Variants in PPP1R12B observed in about 807,000 individuals in gnomAD.
The protein encoded by PPP1R12B is myosin phosphatase target subunit 2.
PPP1R12B carries 76 observed loss-of-function variants against 126.1 expected under a neutral mutation model. The observed-to-expected ratio is 0.60, with a 90% CI of 0.50 to 0.73. The LOEUF (loss-of-function observed/expected upper bound fraction) is 0.73, where lower values mean the gene tolerates loss of function less well. Among genes scored for constraint, PPP1R12B ranks in the 30% least tolerant of loss-of-function variants. The pLI is 0.00. For missense variants in PPP1R12B, 1,052 were observed against 1,205.1 expected, an observed-to-expected ratio of 0.87 and a Z score of 1.88; for synonymous variants, 356 against 434.7, an observed-to-expected ratio of 0.82 and a Z score of 2.25.
chr1:202,572,843 C>T (rs546862308), intron 23 of PPP1R12B, among the ~76,000 whole-genome samples: 5 of 152,188 alleles, frequency 3.3e-5, no homozygotes, highest in South Asian at 2.1e-4. Flanking sequence ...GCCCATCCTG[C>T]GCTGGGCCCT....
At chr1:202,526,443 A>G (rs1282846988) in intron 18 of PPP1R12B, among the ~76,000 whole-genome samples, 4 of 152,190 alleles carry the variant, frequency 2.6e-5, no homozygotes, top group African/African-American at 4.8e-5. Context: ...ATTGAGACCA[A>G]TGAGCATGGT....
intron 18 of PPP1R12B, among the ~76,000 whole-genome samples, chr1:202,549,017 C>T (rs1686019864): frequency 6.6e-6 from 1 of 151,910 alleles, no homozygotes; most frequent in Non-Finnish European, 1.5e-5. Context: ...TTTAAAATAC[C>T]TGTTCTGCTC....
At chr1:202,363,941 A>G (rs767349687) in intron 1 of PPP1R12B, among the ~76,000 whole-genome samples, 3 of 152,080 alleles carry the variant, frequency 2.0e-5, no homozygotes, top group Non-Finnish European at 2.9e-5. Context: ...TTGTATTTTT[A>G]GTAGAGACGG....
chr1:202,562,512 G>T (rs536176784), intron 19 of PPP1R12B: 8 of 530,866 alleles, frequency 1.5e-5, no homozygotes, highest in Non-Finnish European at 2.5e-5. Flanking sequence ...TAAGATTTAA[G>T]TCAGCTCATA....
At chr1:202,533,121 AGCC>A (rs1684144898) in intron 18 of PPP1R12B, among the ~76,000 whole-genome samples, 1 of 152,094 alleles carries the variant, frequency 6.6e-6, no homozygotes, top group Non-Finnish European at 1.5e-5. Flanking sequence ...TGCCCGCCTC[AGCC>A]TCCCAAAGTG....
chr1:202,488,500 C>A (rs1678438201), intron 13 of PPP1R12B, 33 bp from the exon 14 acceptor site: 5 of 1,469,804 alleles, frequency 3.4e-6, no homozygotes, highest in Non-Finnish European at 4.7e-6. Context: ...CAGCAAAGAT[C>A]TTGCTTTTGC....
At chr1:202,422,882 A>G (rs1668990768) in intron 3 of PPP1R12B, 144 bp downstream of exon 3, 1 of 1,166,296 alleles carries the variant, frequency 8.6e-7, no homozygotes, top group Non-Finnish European at 1.2e-6. Flanking sequence ...TCATTAATCC[A>G]GCATCATGTA....
At chr1:202,574,963 T>A in intron 23 of PPP1R12B, 1 of 1,539,336 alleles carries the variant, frequency 6.5e-7, no homozygotes. Context: ...TCTCTCTCTG[T>A]CTTTTCTGTC....
At chr1:202,579,694 C>T (rs967677) in intron 23 of PPP1R12B, among the ~76,000 whole-genome samples, 76,908 of 152,030 alleles carry the variant, frequency 0.51, 22,021 homozygotes, top group East Asian at 0.69. Flanking sequence ...TCCACTCCCT[C>T]CCCTGCCCAA....
chr1:202,518,400 A>G (rs573644083), intron 18 of PPP1R12B, among the ~76,000 whole-genome samples: 1 of 152,330 alleles, frequency 6.6e-6, no homozygotes, highest in South Asian at 2.1e-4. Context: ...ACTATGAATC[A>G]TAGTTTGCTT....
At chr1:202,496,192 G>T (rs1679535580) in intron 17 of PPP1R12B, among the ~76,000 whole-genome samples, 1 of 152,158 alleles carries the variant, frequency 6.6e-6, no homozygotes, top group Non-Finnish European at 1.5e-5. Flanking sequence ...TAAAATAGAT[G>T]AACTTTGGCT....
intron 18 of PPP1R12B, among the ~76,000 whole-genome samples, chr1:202,507,081 G>C (rs944550930): frequency 1.3e-5 from 2 of 152,152 alleles, no homozygotes; most frequent in African/African-American, 4.8e-5. Context: ...TTATGTTTAA[G>C]CTCATTTTTG....
intron 23 of PPP1R12B, chr1:202,575,133 C>T: frequency 6.2e-7 from 1 of 1,613,230 alleles, no homozygotes; most frequent in South Asian, 1.1e-5. Context: ...CCCAGGAGCT[C>T]TAGTTCTTGC....
At chr1:202,388,467 A>G (rs1186780805) in intron 1 of PPP1R12B, among the ~76,000 whole-genome samples, 2 of 152,200 alleles carry the variant, frequency 1.3e-5, no homozygotes, top group African/African-American at 2.4e-5. Context: ...TGGCCTCCCA[A>G]AGTGCTGGGA....
rs200041515 is a variant in PPP1R12B at position 202,562,821 on chromosome 1, G to A, written c.2551G>A (p.Gly851Ser). Residue 851 changes from glycine (G) to serine (S), a missense_variant, in exon 20 of 24, where the codon GGT (glycine) becomes AGT (serine). Coordinates refer to ENST00000608999, the MANE Select transcript of PPP1R12B (RefSeq NM_002481.4). ...TAATCCTACAACCAGTGATTCTTAC[G>A]GTGACCGGGCTTCAGCAAGAGCCCG... ...GSNPTTSDSY[G>S]DRASARARRE... 4.8e-5 allele frequency: 78 copies of A among 1,613,108 alleles called. No individual in the cohort carries two copies. Among genetic ancestry groups the A allele is most frequent in the Non-Finnish European group, 6.4e-5 (75 of 1,179,558 alleles).
chr1:202,444,097 C>G (rs948043062), intron 12 of PPP1R12B, among the ~76,000 whole-genome samples: 1 of 152,138 alleles, frequency 6.6e-6, no homozygotes, highest in African/African-American at 2.4e-5. Flanking sequence ...CATATGCCAT[C>G]ACCATTTAAA....
chr1:202,500,101 T>A (rs781396848), intron 18 of PPP1R12B, among the ~76,000 whole-genome samples: 5 of 152,182 alleles, frequency 3.3e-5, no homozygotes, highest in Admixed American at 6.5e-5. Context: ...ACCATATGAT[T>A]CAGCAGTCCC....
chr1:202,348,974 G>A lies in PPP1R12B; in HGVS notation c.123G>A (p.Ala41=), dbSNP rs1655412185. ...TEQEPAERRG[A]GRQPLTRRGS... ...AGGAGCCTGCGGAGCGACGAGGCGC[G>A]GGGCGGCAGCCGCTGACCAGGCGCG... Residue 41 remains alanine, a synonymous_variant, in exon 1 of 24, where the codon GCG becomes GCA. Transcript: ENST00000608999. 1 of 1,602,722 alleles carries A rather than the reference G, an allele frequency of 6.2e-7. No individual in the cohort carries two copies. Among genetic ancestry groups the A allele is most frequent in the Non-Finnish European group, 8.5e-7 (1 of 1,175,774 alleles).
chr1:202,429,313 C>T (rs1028952844), intron 6 of PPP1R12B, among the ~76,000 whole-genome samples: 1 of 152,114 alleles, frequency 6.6e-6, no homozygotes, highest in African/African-American at 2.4e-5. Context: ...AAAAGACTAT[C>T]TTTATTTAAG....
Sources: allele counts gnomAD v4.1 joint callset (sites outside exome capture counted in the v4.1 genomes callset), GRCh38; gene constraint gnomAD v4.1.1; transcripts MANE v1.5; gene names NCBI Gene and HGNC (gene_info 2026-07-23, HGNC 2026-07-21).